PDE1C: variants seen among roughly 807,000 people sequenced by gnomAD.
PDE1C encodes dual specificity calcium/calmodulin-dependent 3',5'-cyclic nucleotide phosphodiesterase 1C.
PDE1C carries 62 observed loss-of-function variants against 93.1 expected under a neutral mutation model. The observed-to-expected ratio is 0.67, with a 90% CI of 0.54 to 0.82. The LOEUF is 0.82. PDE1C is among the 40% of genes least tolerant of loss of function. The pLI, the probability that PDE1C is intolerant of heterozygous loss-of-function variation, is 0.00. For synonymous variants in PDE1C, 325 were observed against 310.1 expected (o/e 1.05, Z -0.50); for missense variants, 742 against 884.6 (o/e 0.84, Z 2.04).
intron 1 of PDE1C, among the ~76,000 whole-genome samples, chr7:32,392,307 C>T (rs900270068): frequency 1.3e-5 from 2 of 152,050 alleles, no homozygotes; most frequent in Non-Finnish European, 2.9e-5. Context: ...AGAGATCTTC[C>T]CAGAATAGAA....
At chr7:32,400,039 G>A (rs1346793315) in intron 1 of PDE1C, among the ~76,000 whole-genome samples, 2 of 152,168 alleles carry the variant, frequency 1.3e-5, no homozygotes, top group African/African-American at 2.4e-5. Context: ...GTTCTCATTT[G>A]TAAAGTCCTA....
At chr7:32,013,637 A>G (rs545646623) in intron 2 of PDE1C, among the ~76,000 whole-genome samples, 1 of 152,336 alleles carries the variant, frequency 6.6e-6, no homozygotes, top group South Asian at 2.1e-4. Context: ...ACATCTCCAA[A>G]TAAGGAAAGG....
the PDE1C span, chr7:31,655,822 G>A: frequency 1.0e-6 from 1 of 985,556 alleles, no homozygotes; most frequent in Middle Eastern, 5.2e-4. Flanking sequence ...TAGACTCCGA[G>A]CTCTCCTGCA....
chr7:31,619,457 AG>A, the PDE1C span, among the ~76,000 whole-genome samples: 2 of 152,328 alleles, frequency 1.3e-5, no homozygotes, highest in Admixed American at 1.3e-4. Flanking sequence ...CTGTATGTGT[AG>A]AGCTAAGTTT....
chr7:31,760,757 T>C (rs1285459434), intron 17 of PDE1C, among the ~76,000 whole-genome samples: 1 of 72,472 alleles, frequency 1.4e-5, no homozygotes, highest in Non-Finnish European at 2.8e-5. Flanking sequence ...ATCTGCAATG[T>C]GTACACACAC....
At chr7:32,149,508 C>A (rs940704457) in intron 3 of PDE1C, among the ~76,000 whole-genome samples, 1 of 152,186 alleles carries the variant, frequency 6.6e-6, no homozygotes, top group African/African-American at 2.4e-5. Context: ...ATGTCCATCA[C>A]GGCATTGCTT....
At chr7:32,110,362 C>T (rs1798571538) in intron 3 of PDE1C, among the ~76,000 whole-genome samples, 1 of 152,194 alleles carries the variant, frequency 6.6e-6, no homozygotes, top group African/African-American at 2.4e-5. Flanking sequence ...TCATGAGACT[C>T]ATTCACTATC....
chr7:31,895,283 A>G (rs1292761540), intron 2 of PDE1C, among the ~76,000 whole-genome samples: 1 of 152,132 alleles, frequency 6.6e-6, no homozygotes, highest in Non-Finnish European at 1.5e-5. Context: ...AGCTGGATCC[A>G]TAGTGCCAGG....
chr7:31,942,982 T>G (rs1806056547), intron 2 of PDE1C, among the ~76,000 whole-genome samples: 1 of 152,154 alleles, frequency 6.6e-6, no homozygotes, highest in Non-Finnish European at 1.5e-5. Flanking sequence ...TATAGATGGC[T>G]ATGACTAGTG....
chr7:32,038,449 A>G (rs1791396552), intron 2 of PDE1C, among the ~76,000 whole-genome samples: 1 of 152,154 alleles, frequency 6.6e-6, no homozygotes, highest in Non-Finnish European at 1.5e-5. Flanking sequence ...ATTAACAGCT[A>G]GTATATATAT....
intron 3 of PDE1C, among the ~76,000 whole-genome samples, chr7:32,155,125 A>G (rs1801492609): frequency 6.6e-6 from 1 of 152,214 alleles, no homozygotes; most frequent in Non-Finnish European, 1.5e-5. Context: ...AATCCACAGC[A>G]GCATCAAAAC....
At chr7:32,226,836 C>T (rs1227502875) in intron 1 of PDE1C, among the ~76,000 whole-genome samples, 5 of 152,164 alleles carry the variant, frequency 3.3e-5, no homozygotes, top group African/African-American at 1.2e-4. Flanking sequence ...AATACATCAC[C>T]ACCAATGCTA....
At chr7:32,169,534 C>A (rs1460290538) in intron 3 of PDE1C, among the ~76,000 whole-genome samples, 1 of 152,176 alleles carries the variant, frequency 6.6e-6, no homozygotes, top group African/African-American at 2.4e-5. Flanking sequence ...AAATCCTCTA[C>A]CTCAGCATTT....
chr7:31,686,927 C>T, the PDE1C span: 5 of 152,124 alleles, frequency 3.3e-5, no homozygotes, highest in African/African-American at 7.2e-5. Flanking sequence ...ACTTCTTGTG[C>T]CTCAGTTTCC....
rs910576822 is a variant in PDE1C, at chr7:31,808,343, C to A, written c.1891+688G>T. 25 of 273,942 alleles carry A rather than the reference C, an allele frequency of 9.1e-5. No individual in the cohort carries two copies. In the East Asian group the frequency reaches 1.2e-3, roughly 14 times the overall value. 17.0% of individuals were successfully genotyped at this position (273,942 alleles called of 1,614,324 possible). A position where few individuals can be genotyped will look rare whatever the true frequency, so the allele number is the denominator to read the frequency against. On this transcript the variant is annotated intron_variant, in intron 16 of 17. Coordinates refer to ENST00000396191, the MANE Select transcript of PDE1C (RefSeq NM_001191057.4). Reference sequence around the variant, plus strand: ...GTATGAGGGGATAACTAGTAATGAACCTGTGTGATAGCTGAAACAATGAAG... The same window carrying A: ...GTATGAGGGGATAACTAGTAATGAAACTGTGTGATAGCTGAAACAATGAAG...
chr7:32,051,414 C>T lies in PDE1C; in HGVS notation c.128+140G>A, dbSNP rs938691523. On this transcript the variant is annotated intron_variant, in intron 2 of 17. Transcript: ENST00000396191. The stretch of plus-strand genomic sequence containing the variant: ...CAATTTTTAATTACAGCAGCAGTCA[C>T]GATCGGAGATAAAGCACGCAACATG... 13 of 776,592 alleles carry T rather than the reference C, an allele frequency of 1.7e-5. No homozygotes were observed. The Admixed American group carries it at 2.1e-4, about 13-fold the overall frequency. 48.1% of individuals were successfully genotyped at this position (776,592 alleles called of 1,614,324 possible). A position where few individuals can be genotyped will look rare whatever the true frequency, so the allele number is the denominator to read the frequency against.
intron 2 of PDE1C, among the ~76,000 whole-genome samples, chr7:31,953,244 C>CTAAT (rs1807657517): frequency 6.6e-6 from 1 of 152,144 alleles, no homozygotes; most frequent in Non-Finnish European, 1.5e-5. Flanking sequence ...TGCGACGGTG[C>CTAAT]TGATTCAATT....
intron 1 of PDE1C, among the ~76,000 whole-genome samples, chr7:32,401,811 G>A (rs991443033): frequency 6.6e-6 from 1 of 152,172 alleles, no homozygotes; most frequent in African/African-American, 2.4e-5. Flanking sequence ...GGGGCAACTC[G>A]CCTACGTCAG....
At chr7:32,149,977 G>A (rs1329978867) in intron 3 of PDE1C, among the ~76,000 whole-genome samples, 1 of 152,168 alleles carries the variant, frequency 6.6e-6, no homozygotes, top group Non-Finnish European at 1.5e-5. Context: ...CTCTAATCAA[G>A]GAGATAATCT....
Sources: gnomAD v4.1 joint callset for allele counts (sites outside exome capture counted in the v4.1 genomes callset) on GRCh38, gnomAD v4.1.1 for gene constraint, MANE v1.5 for transcripts, NCBI Gene and HGNC (gene_info 2026-07-23, HGNC 2026-07-21) for gene names.